The following TTC6 variants were observed in gnomAD, a reference collection of about 807,000 sequenced individuals.
TTC6 encodes tetratricopeptide repeat domain 6, also known as tetratricopeptide repeat protein 6.
Under a neutral mutation model 210.4 loss-of-function variants are expected in TTC6, and 172 were observed. The observed-to-expected ratio is 0.82, with a 90% CI of 0.72 to 0.93. The LOEUF is 0.93. TTC6 is among the 40% of genes least tolerant of loss of function. TTC6 has a pLI of 0.00. For synonymous variants in TTC6, 804 were observed against 819.6 expected (o/e 0.98, Z 0.32); for missense variants, 2,414 against 2,318.1 (o/e 1.04, Z -0.85).
intron 15 of TTC6, among the ~76,000 whole-genome samples, chr14:37,788,425 G>C (rs1396207233): frequency 6.6e-6 from 1 of 151,824 alleles, no homozygotes. Flanking sequence ...ATTTCCACAG[G>C]GAAGAAGAGC....
At chr14:37,823,395 G>A (rs780421214) in intron 26 of TTC6, among the ~76,000 whole-genome samples, 49 of 152,216 alleles carry the variant, frequency 3.2e-4, no homozygotes, top group Middle Eastern at 3.4e-3. Flanking sequence ...TTCATCAATA[G>A]TAGCATATGT....
intron 2 of TTC6, among the ~76,000 whole-genome samples, chr14:37,610,211 A>G (rs1374210893): frequency 2.6e-5 from 4 of 152,202 alleles, no homozygotes; most frequent in Non-Finnish European, 5.9e-5. Context: ...TCAGTCTCCA[A>G]AGCAAGGCTG....
chr14:37,659,906 A>G (rs2095733644), intron 1 of TTC6, among the ~76,000 whole-genome samples: 1 of 152,128 alleles, frequency 6.6e-6, no homozygotes, highest in Admixed American at 6.5e-5. Flanking sequence ...TCTTCTTTTG[A>G]GAAGTGTCTG....
chr14:37,655,474 G>A (rs2095720551), intron 1 of TTC6, among the ~76,000 whole-genome samples: 1 of 152,174 alleles, frequency 6.6e-6, no homozygotes, highest in Admixed American at 6.5e-5. Flanking sequence ...TGGGGTACAA[G>A]CAGCCAAGCA....
chr14:37,835,750 T>G (rs2096196349), intron 29 of TTC6, among the ~76,000 whole-genome samples: 1 of 152,214 alleles, frequency 6.6e-6, no homozygotes, highest in Non-Finnish European at 1.5e-5. Context: ...TATTAGAGTG[T>G]AACAACATTA....
intron 7 of TTC6, among the ~76,000 whole-genome samples, chr14:37,734,741 CT>C (rs2138910356): frequency 6.6e-6 from 1 of 152,086 alleles, no homozygotes; most frequent in South Asian, 2.1e-4. Flanking sequence ...ATAAGTAACA[CT>C]GTAAGTGCCC....
intron 14 of TTC6, among the ~76,000 whole-genome samples, chr14:37,786,207 A>G (rs570713318): frequency 6.6e-6 from 1 of 152,338 alleles, no homozygotes; most frequent in South Asian, 2.1e-4. Context: ...TTGTTCAGCT[A>G]TGCCCGGCCC....
At chr14:37,659,980 C>A (rs575363988) in intron 1 of TTC6, among the ~76,000 whole-genome samples, 47 of 150,122 alleles carry the variant, frequency 3.1e-4, no homozygotes, top group African/African-American at 1.1e-3. Context: ...TGTTTAAGTT[C>A]CTTATAGATG....
chr14:37,732,173 CTTTTTTTTTTTTTT>C (rs61444309), intron 7 of TTC6, among the ~76,000 whole-genome samples: 4 of 57,588 alleles, frequency 6.9e-5, no homozygotes, highest in Non-Finnish European at 8.9e-5. Flanking sequence ...GTACTGTATT[CTTTTTTTTTTTTTT>C]TTTTTTTTTT....
chr14:37,610,228 G>A (rs1391009920), intron 2 of TTC6, among the ~76,000 whole-genome samples: 1 of 152,196 alleles, frequency 6.6e-6, no homozygotes, highest in African/African-American at 2.4e-5. Context: ...GCTGTTCAGA[G>A]GCCCCGCTCT....
chr14:37,703,962 A>T (rs1330937250), intron 5 of TTC6, among the ~76,000 whole-genome samples: 1 of 152,192 alleles, frequency 6.6e-6, no homozygotes, highest in Non-Finnish European at 1.5e-5. Context: ...AACTTGGTGA[A>T]TAGCCTTTCG....
chr14:37,790,884 C>T (rs7153624), intron 16 of TTC6, 47 bp downstream of exon 18: 1,447,476 of 1,486,930 alleles, frequency 0.97, 707,705 homozygotes, highest in Non-Finnish European at 1. Context: ...TGTAAAAAAT[C>T]GAAAACCTGA....
At chr14:37,651,815 T>C (rs1485621125) in intron 1 of TTC6, among the ~76,000 whole-genome samples, 1 of 151,998 alleles carries the variant, frequency 6.6e-6, no homozygotes, top group Non-Finnish European at 1.5e-5. Flanking sequence ...AAAAAAAGTA[T>C]AGCGGGCACA....
chr14:37,609,136 C>G (rs2095630108), intron 2 of TTC6, among the ~76,000 whole-genome samples: 1 of 152,134 alleles, frequency 6.6e-6, no homozygotes, highest in Non-Finnish European at 1.5e-5. Flanking sequence ...GAAGCTAGAT[C>G]TGCCAGGCAC....
intron 14 of TTC6, among the ~76,000 whole-genome samples, chr14:37,786,658 A>G (rs1289106765): frequency 6.6e-6 from 1 of 152,202 alleles, no homozygotes; most frequent in African/African-American, 2.4e-5. Context: ...GACAAGCCCC[A>G]GTGAGATGAA....
Position 37,660,815 on chromosome 14 carries a change from G to A in TTC6, c.940-19336G>A, listed in dbSNP as rs189234846. The stretch of plus-strand genomic sequence containing the variant: ...TACACTCCCACCAATGGTGTAAAAC[G>A]TTCCCATTTCTCCACAGCTGTGCCA... On this transcript the variant is annotated intron_variant, in intron 1 of 30. Transcript: ENST00000553443. 2.6e-3 allele frequency among the ~76,000 whole-genome samples: 401 copies of A among 152,268 alleles called. 1 individual carries two copies. The highest frequency in any genetic ancestry group is 2.9e-3 in the Non-Finnish European group (196 of 68,020).
intron 14 of TTC6, among the ~76,000 whole-genome samples, chr14:37,764,667 G>T (rs775602627): frequency 6.6e-6 from 1 of 151,952 alleles, no homozygotes; most frequent in Non-Finnish European, 1.5e-5. Flanking sequence ...TCTTTGATCT[G>T]AATTGAGTTT....
At chr14:37,738,658 C>G in intron 9 of TTC6, 118 bp from the exon 12 acceptor site, 1 of 898,580 alleles carries the variant, frequency 1.1e-6, no homozygotes, top group Non-Finnish European at 1.5e-6. Context: ...GATTTTTAAA[C>G]TTTTAAATTA....
chr14:37,768,762 C>T (rs2096007588), intron 14 of TTC6, among the ~76,000 whole-genome samples: 1 of 152,180 alleles, frequency 6.6e-6, no homozygotes, highest in Admixed American at 6.6e-5. Flanking sequence ...GACAATTTGA[C>T]TTCCTCTTTT....
Sources: gnomAD v4.1 joint callset for allele counts (sites outside exome capture counted in the v4.1 genomes callset) on GRCh38, gnomAD v4.1.1 for gene constraint, MANE v1.5 for transcripts, NCBI Gene and HGNC (gene_info 2026-07-23, HGNC 2026-07-21) for gene names.